The following FTCDNL1 variants were observed in gnomAD, a reference collection of about 807,000 sequenced individuals.
The protein encoded by FTCDNL1 is formiminotransferase N-terminal subdomain-containing protein.
Under a neutral mutation model 5.9 loss-of-function variants are expected in FTCDNL1, and 11 were observed. The observed-to-expected ratio is 1.87, with a 90% CI of 1.18 to 3.10. FTCDNL1 has a LOEUF of 3.10. FTCDNL1 is among the 30% of genes most tolerant of loss of function. The pLI is 0.00. For synonymous variants in FTCDNL1, 58 were observed against 24.8 expected, an observed-to-expected ratio of 2.34 and a Z score of -3.99; for missense variants, 115 against 65.5, an observed-to-expected ratio of 1.76 and a Z score of -2.61.
At chr2:199,776,896 C>T (rs905233618) in intron 3 of FTCDNL1, among the ~76,000 whole-genome samples, 9 of 147,830 alleles carry the variant, frequency 6.1e-5, no homozygotes, top group Non-Finnish European at 7.5e-5. Flanking sequence ...GACACATATA[C>T]ATGTGTAATA....
chr2:199,834,460 C>T (rs932627756), intron 3 of FTCDNL1, among the ~76,000 whole-genome samples: 1 of 152,150 alleles, frequency 6.6e-6, no homozygotes, highest in Non-Finnish European at 1.5e-5. Flanking sequence ...CAGGCCCACC[C>T]TGCCTCCCTC....
the FTCDNL1 span, among the ~76,000 whole-genome samples, chr2:199,672,095 G>C: frequency 2.0e-5 from 3 of 152,116 alleles, no homozygotes; most frequent in South Asian, 4.2e-4. Flanking sequence ...ACTACACTCT[G>C]TTTGTACTGG....
chr2:199,705,778 A>G, the FTCDNL1 span, among the ~76,000 whole-genome samples: 4 of 152,334 alleles, frequency 2.6e-5, no homozygotes, highest in African/African-American at 9.6e-5. Flanking sequence ...AGCAGATGCC[A>G]AGATGAGATT....
At chr2:199,848,580 A>T (rs1487470360) in intron 2 of FTCDNL1, among the ~76,000 whole-genome samples, 1 of 152,234 alleles carries the variant, frequency 6.6e-6, no homozygotes, top group Non-Finnish European at 1.5e-5. Context: ...ATCCTGAACA[A>T]CACGCATCTC....
chr2:199,826,665 T>C (rs907314125), intron 3 of FTCDNL1, among the ~76,000 whole-genome samples: 5 of 151,992 alleles, frequency 3.3e-5, no homozygotes, highest in Non-Finnish European at 7.4e-5. Flanking sequence ...TGTGGTGGCA[T>C]GCACCTGTAA....
At chr2:199,845,831 A>C (rs989573051) in intron 3 of FTCDNL1, among the ~76,000 whole-genome samples, 1 of 151,040 alleles carries the variant, frequency 6.6e-6, no homozygotes, top group Admixed American at 6.6e-5. Flanking sequence ...GATCACCTTC[A>C]GCAAAAAAAA....
chr2:199,844,534 TAA>T, intron 3 of FTCDNL1: 1 of 553,310 alleles, frequency 1.8e-6, no homozygotes. Flanking sequence ...CAGAACTGCC[TAA>T]AAATGCAAAA....
the FTCDNL1 span, among the ~76,000 whole-genome samples, chr2:199,748,709 C>T: frequency 6.6e-6 from 1 of 152,184 alleles, no homozygotes; most frequent in Non-Finnish European, 1.5e-5. Flanking sequence ...TCCATGACTT[C>T]CATTACCAAG....
At chr2:199,778,238 A>G (rs1699190190) in intron 3 of FTCDNL1, among the ~76,000 whole-genome samples, 1 of 152,172 alleles carries the variant, frequency 6.6e-6, no homozygotes, top group East Asian at 1.9e-4. Context: ...TATCTCACTA[A>G]CACCTCAATG....
At chr2:199,736,156 A>G in the FTCDNL1 span, among the ~76,000 whole-genome samples, 2 of 152,188 alleles carry the variant, frequency 1.3e-5, no homozygotes, top group Non-Finnish European at 2.9e-5. Context: ...AAGCTCTCCA[A>G]GCTTCCAGGC....
At chr2:199,674,066 A>G in the FTCDNL1 span, among the ~76,000 whole-genome samples, 7 of 152,188 alleles carry the variant, frequency 4.6e-5, no homozygotes, top group Non-Finnish European at 1.0e-4. Flanking sequence ...GATATTTACT[A>G]TGCTGCAGGA....
At chr2:199,808,366 A>G (rs1198732082), downstream of FTCDNL1, among the ~76,000 whole-genome samples, 1 of 152,234 alleles carries the variant, frequency 6.6e-6, no homozygotes, top group Non-Finnish European at 1.5e-5. Context: ...TGTGGGATAA[A>G]TACATACTTT....
In FTCDNL1 at chr2:199,760,676, A is replaced by G. The variant is rs1208607689; in HGVS notation, c.*137T>C. 1.1e-5 allele frequency: 7 copies of G among 621,418 alleles called. No homozygotes were observed. In the East Asian group the frequency reaches 1.4e-4, roughly 12 times the overall value. The allele number at this position is 621,418 out of a possible 1,614,324, so 38.5% of individuals were successfully genotyped here. ...AGAATTTAGTAATTCTGGGTATGGT[A>G]TAATTTTCCATCTTTTTAAAAAGAA... is the stretch of plus-strand genomic sequence containing the variant. On this transcript the variant is annotated 3_prime_UTR_variant, in exon 4 of 4. Coordinates refer to the FTCDNL1 transcript ENST00000416668.
the FTCDNL1 span, among the ~76,000 whole-genome samples, chr2:199,721,355 T>A: frequency 6.6e-6 from 1 of 152,134 alleles, no homozygotes; most frequent in Non-Finnish European, 1.5e-5. Flanking sequence ...CTACTTATGG[T>A]TGAGAACATG....
chr2:199,819,569 A>T lies in FTCDNL1; in HGVS notation c.397+3T>A. ...AGAGCAAAGCAAAAACCATGCTCAG[A>T]ACCTGTTAAACCACATCTTTGGGAA... On this transcript the variant is annotated splice_donor_region_variant and intron_variant, in intron 4 of 4. Coordinates refer to ENST00000420128, the MANE Select transcript of FTCDNL1 (RefSeq NM_001363886.2). 2 of 701,688 alleles carry T rather than the reference A, an allele frequency of 2.9e-6. No homozygotes were observed. Among genetic ancestry groups the T allele is most frequent in the Non-Finnish European group, 5.2e-6 (2 of 384,690 alleles). 43.5% of individuals were successfully genotyped at this position (701,688 alleles called of 1,614,324 possible).
Position 199,810,861 on chromosome 2 carries a change from A to G in FTCDNL1, c.*1844T>C, listed in dbSNP as rs1228491300. Among the ~76,000 whole-genome samples the G allele has an allele frequency of 1.3e-5, 2 of 152,134 alleles. No individual in the cohort carries two copies. The highest frequency in any genetic ancestry group is 2.4e-5 in the African/African-American group (1 of 41,410). ...TTTACTGTCATTACTTTTTCTTGCTACTTTCAAACTTATTGCTCCTGATGT... is the reference window on the plus strand; with the variant it reads ...TTTACTGTCATTACTTTTTCTTGCTGCTTTCAAACTTATTGCTCCTGATGT... On this transcript the variant is annotated 3_prime_UTR_variant, in exon 5 of 5. Transcript: ENST00000420128.
chr2:199,747,369 C>T, the FTCDNL1 span, among the ~76,000 whole-genome samples: 1 of 152,076 alleles, frequency 6.6e-6, no homozygotes, highest in Non-Finnish European at 1.5e-5. Flanking sequence ...CACATTTTTG[C>T]GGCCTGGAGT....
At position 199,850,749 on chromosome 2, in the gene FTCDNL1, G is replaced by A. The variant is rs539468038; in HGVS notation, c.-17C>T. 3.0e-4 allele frequency: 45 copies of A among 152,366 alleles called. No homozygotes were observed. Among genetic ancestry groups the A allele is most frequent in the African/African-American group, 8.7e-4 (36 of 41,568 alleles). 9.4% of individuals were successfully genotyped at this position (152,366 alleles called of 1,614,324 possible). On this transcript the variant is annotated 5_prime_UTR_variant, in exon 1 of 5. Transcript: ENST00000420128. ...AAGTGCAGCAGTTCACCTGCCCCCT[G>A]CGCACGCACCCCACCGGCACTTGGA...
At chr2:199,821,655 G>A (rs1425723605) in intron 3 of FTCDNL1, among the ~76,000 whole-genome samples, 1 of 151,680 alleles carries the variant, frequency 6.6e-6, no homozygotes, top group Admixed American at 6.6e-5. Context: ...AGTAAACGGA[G>A]TTTCACCATG....
Sources: allele counts gnomAD v4.1 joint callset (sites outside exome capture counted in the v4.1 genomes callset), GRCh38; gene constraint gnomAD v4.1.1; transcripts MANE v1.5; gene names NCBI Gene and HGNC (gene_info 2026-07-23, HGNC 2026-07-21).